ZFHX3: variants seen among roughly 807,000 people sequenced by gnomAD.
ZFHX3 encodes zinc finger homeobox 3.
In ZFHX3, 42 loss-of-function variants were observed where a neutral mutation model predicts 279.1. That is an observed-to-expected ratio of 0.15 (90% confidence interval 0.12 to 0.19). ZFHX3 has a LOEUF of 0.19. ZFHX3 is among the 10% of genes least tolerant of loss of function. The pLI, the probability that ZFHX3 is intolerant of heterozygous loss-of-function variation, is 1.00. For missense variants in ZFHX3, 4,981 were observed against 4,754.0 expected (o/e 1.05, Z -1.40); for synonymous variants, 2,293 against 1,957.8 (o/e 1.17, Z -4.52).
At chr16:73,061,236 A>G (rs1044885315), upstream of ZFHX3, 1 of 152,168 alleles carries the variant, frequency 6.6e-6, no homozygotes, top group Non-Finnish European at 1.5e-5. Flanking sequence ...AAGTTATTGT[A>G]GAAGAAGGGG....
chr16:73,361,240 T>G (rs970946342), intron 3 of ZFHX3, among the ~76,000 whole-genome samples: 2 of 152,216 alleles, frequency 1.3e-5, no homozygotes, highest in African/African-American at 2.4e-5. Flanking sequence ...CCATACCAAC[T>G]CTGACCTTGG....
At chr16:73,747,774 AAG>A (rs2053717770) in intron 1 of ZFHX3, among the ~76,000 whole-genome samples, 1 of 152,182 alleles carries the variant, frequency 6.6e-6, no homozygotes, top group Admixed American at 6.5e-5. Context: ...ATATTGCCAA[AAG>A]AGAATTTCTT....
Position 72,913,063 on chromosome 16 carries a change from T to C in ZFHX3, c.3217-23101A>G, listed in dbSNP as rs548484915. On this transcript the variant is annotated intron_variant, in intron 3 of 9. Coordinates refer to ENST00000268489, the MANE Select transcript of ZFHX3 (RefSeq NM_006885.4). ...TAAAACAGGCCTGGTTTTTGAATTC[T>C]GATTTTGAAATTTTTGTGTCTGAAA... Among the ~76,000 whole-genome samples the C allele has an allele frequency of 3.9e-5, 6 of 152,342 alleles. No homozygotes were observed. The South Asian group carries it at 1.2e-3, about 32-fold the overall frequency.
chr16:73,342,103 A>AG (rs918648580), intron 3 of ZFHX3, among the ~76,000 whole-genome samples: 2 of 151,980 alleles, frequency 1.3e-5, no homozygotes, highest in African/African-American at 4.8e-5. Context: ...GTTTTTGAAA[A>AG]ACTACCTTGA....
intron 2 of ZFHX3, among the ~76,000 whole-genome samples, chr16:73,658,158 G>A (rs879497622): frequency 2.0e-5 from 3 of 151,926 alleles, no homozygotes; most frequent in Non-Finnish European, 4.4e-5. Context: ...ATTTATTCTT[G>A]TGACCACTAT....
At chr16:72,849,131 G>A (rs571120082) in intron 4 of ZFHX3, among the ~76,000 whole-genome samples, 18 of 152,300 alleles carry the variant, frequency 1.2e-4, no homozygotes, top group South Asian at 6.2e-4. Context: ...GCCAACGCCC[G>A]CCCTCCAGGA....
intron 4 of ZFHX3, among the ~76,000 whole-genome samples, chr16:73,262,302 G>A (rs1271607934): frequency 6.6e-6 from 1 of 152,220 alleles, no homozygotes; most frequent in African/African-American, 2.4e-5. Flanking sequence ...ACTTAAGGTA[G>A]ATAGATTGTT....
At chr16:73,501,449 G>T (rs1015511704) in intron 2 of ZFHX3, among the ~76,000 whole-genome samples, 48 of 152,118 alleles carry the variant, frequency 3.2e-4, no homozygotes, top group African/African-American at 1.1e-3. Flanking sequence ...TACCATACAG[G>T]CTCTCCCTTA....
At chr16:73,147,343 C>A (rs944623200) in intron 5 of ZFHX3, among the ~76,000 whole-genome samples, 5 of 152,124 alleles carry the variant, frequency 3.3e-5, no homozygotes, top group Non-Finnish European at 7.4e-5. Context: ...TAAACCACAG[C>A]CTGAAGCCCG....
Position 73,839,326 on chromosome 16 carries a change from C to CAAAAAAGAAA in ZFHX3, c.-1608+52324_-1608+52325insTTTCTTTTTT, listed in dbSNP as rs1961233006. ...GCAGCAACAGAGCAAGACTCCATCT[C>CAAAAAAGAAA]AAAAAAAAAAAAAAAAAAAAAAAAA... On this transcript the variant is annotated intron_variant, in intron 1 of 17. Coordinates refer to the ZFHX3 transcript ENST00000641206. Among the ~76,000 whole-genome samples the CAAAAAAGAAA allele has an allele frequency of 4.3e-4, 13 of 30,050 alleles. 1 individual carries two copies. The highest frequency in any genetic ancestry group is 1.6e-3 in the African/African-American group (13 of 8,206). The allele number at this position is 30,050 out of a possible 152,430, so 19.7% of individuals were successfully genotyped here. A position where few individuals can be genotyped will look rare whatever the true frequency, so the allele number is the denominator to read the frequency against.
chr16:73,412,625 G>C (rs1567476250), intron 3 of ZFHX3, among the ~76,000 whole-genome samples: 1 of 152,202 alleles, frequency 6.6e-6, no homozygotes. Context: ...CCTGAGAGAA[G>C]AGGCCGATGA....
intron 3 of ZFHX3, among the ~76,000 whole-genome samples, chr16:73,415,157 T>C (rs2017546898): frequency 6.6e-6 from 1 of 152,186 alleles, no homozygotes; most frequent in South Asian, 2.1e-4. Context: ...TGACCGATGT[T>C]CTAAAATCAG....
intron 1 of ZFHX3, among the ~76,000 whole-genome samples, chr16:73,021,815 A>C (rs1466487828): frequency 7.0e-6 from 1 of 141,940 alleles, no homozygotes; most frequent in Non-Finnish European, 1.5e-5. Context: ...TGGGTGACAA[A>C]GCGAGACTCC....
intron 1 of ZFHX3, among the ~76,000 whole-genome samples, chr16:73,689,593 G>C (rs934986983): frequency 2.6e-5 from 4 of 152,158 alleles, no homozygotes; most frequent in Admixed American, 6.5e-5. Context: ...CTTAGAGGGA[G>C]GGCTAAGGGA....
At chr16:73,792,859 C>G (rs575245569) in intron 1 of ZFHX3, among the ~76,000 whole-genome samples, 34 of 142,278 alleles carry the variant, frequency 2.4e-4, no homozygotes, top group Middle Eastern at 3.5e-3. Context: ...ACAGTGCACC[C>G]CCCCCCTCCC....
At chr16:72,823,898 C>G (rs150947208) in intron 5 of ZFHX3, among the ~76,000 whole-genome samples, 5 of 152,240 alleles carry the variant, frequency 3.3e-5, no homozygotes, top group Middle Eastern at 3.4e-3. Context: ...TTTCCTAACA[C>G]GTTTCCTCTC....
At chr16:73,290,458 G>T (rs957263998) in intron 4 of ZFHX3, among the ~76,000 whole-genome samples, 7 of 152,202 alleles carry the variant, frequency 4.6e-5, no homozygotes, top group Non-Finnish European at 1.0e-4. Flanking sequence ...GCAGGGGCCT[G>T]TTTAATGCAA....
chr16:73,429,367 T>C (rs762980503), intron 3 of ZFHX3, among the ~76,000 whole-genome samples: 1 of 152,054 alleles, frequency 6.6e-6, no homozygotes, highest in Non-Finnish European at 1.5e-5. Context: ...GAGTCTCACT[T>C]TGTTGCCCAG....
At chr16:73,400,850 C>A (rs553704886) in intron 3 of ZFHX3, 7 of 152,158 alleles carry the variant, frequency 4.6e-5, no homozygotes, top group Non-Finnish European at 8.8e-5. Flanking sequence ...GCTGCAAAAG[C>A]CACTTATTAC....
Sources: gnomAD v4.1 joint callset for allele counts (sites outside exome capture counted in the v4.1 genomes callset) on GRCh38, gnomAD v4.1.1 for gene constraint, MANE v1.5 for transcripts, NCBI Gene and HGNC (gene_info 2026-07-23, HGNC 2026-07-21) for gene names.